CSMD3: variants seen among roughly 807,000 people sequenced by gnomAD.
The protein encoded by CSMD3 is CUB and sushi domain-containing protein 3.
Under a neutral mutation model 435.2 loss-of-function variants are expected in CSMD3, and 177 were observed. The observed-to-expected ratio is 0.41, with a 90% CI of 0.36 to 0.46. The LOEUF is 0.46. CSMD3 is among the 20% of genes least tolerant of loss of function. CSMD3 has a pLI of 0.34. For missense variants in CSMD3, 4,265 were observed against 4,504.6 expected, an observed-to-expected ratio of 0.95 and a Z score of 1.52; for synonymous variants, 1,656 against 1,520.5, an observed-to-expected ratio of 1.09 and a Z score of -2.07.
At chr8:113,079,646 G>A (rs1028833487) in intron 5 of CSMD3, among the ~76,000 whole-genome samples, 2 of 152,046 alleles carry the variant, frequency 1.3e-5, no homozygotes, top group Non-Finnish European at 2.9e-5. Flanking sequence ...AAATCATGTA[G>A]ACATGATACA....
intron 28 of CSMD3, among the ~76,000 whole-genome samples, chr8:112,515,573 G>T (rs182740905): frequency 6.2e-4 from 95 of 152,152 alleles, no homozygotes; most frequent in African/African-American, 2.1e-3. Context: ...TGTTGATTTA[G>T]AATCTTGCAG....
chr8:113,242,859 A>G (rs2093234384), intron 3 of CSMD3, among the ~76,000 whole-genome samples: 1 of 151,968 alleles, frequency 6.6e-6, no homozygotes, highest in African/African-American at 2.4e-5. Flanking sequence ...TTCTCAATTA[A>G]TATTTACTAA....
At chr8:113,403,689 T>C (rs2129658456) in intron 1 of CSMD3, among the ~76,000 whole-genome samples, 1 of 151,532 alleles carries the variant, frequency 6.6e-6, no homozygotes, top group Non-Finnish European at 1.5e-5. Context: ...AATCCATCCA[T>C]AGCAAATGTA....
intron 27 of CSMD3, among the ~76,000 whole-genome samples, chr8:112,537,180 TA>T (rs747860366): frequency 1.2e-3 from 186 of 149,104 alleles, no homozygotes; most frequent in African/African-American, 4.1e-3. Context: ...AATAATAAAA[TA>T]AAAAAAAAGA....
At chr8:113,101,454 C>T (rs1351254581) in intron 4 of CSMD3, among the ~76,000 whole-genome samples, 1 of 151,878 alleles carries the variant, frequency 6.6e-6, no homozygotes, top group African/African-American at 2.4e-5. Context: ...ATACTTTATC[C>T]ATCATTTTAA....
chr8:112,474,431 A>G (rs561413046), intron 31 of CSMD3, among the ~76,000 whole-genome samples: 2 of 152,316 alleles, frequency 1.3e-5, no homozygotes, highest in African/African-American at 4.8e-5. Flanking sequence ...GGAGATGCAA[A>G]GTTGAATGAG....
chr8:112,485,834 A>G (rs1820069754), intron 31 of CSMD3, among the ~76,000 whole-genome samples: 1 of 152,084 alleles, frequency 6.6e-6, no homozygotes, highest in Non-Finnish European at 1.5e-5. Context: ...TTGGAAGTTG[A>G]ACAGAGAATG....
chr8:112,238,252 G>A (rs1201814444), intron 66 of CSMD3, among the ~76,000 whole-genome samples: 1 of 151,358 alleles, frequency 6.6e-6, no homozygotes, highest in Non-Finnish European at 1.5e-5. Context: ...TGAATGAAGT[G>A]GATTTAGGAA....
intron 13 of CSMD3, among the ~76,000 whole-genome samples, chr8:112,704,448 G>A (rs959332896): frequency 1.3e-5 from 2 of 152,094 alleles, no homozygotes; most frequent in Admixed American, 1.3e-4. Flanking sequence ...TCAGCTCTTA[G>A]ATCGCAAATT....
At chr8:112,647,615 CT>C (rs1395854366) in intron 19 of CSMD3, among the ~76,000 whole-genome samples, 3 of 152,032 alleles carry the variant, frequency 2.0e-5, no homozygotes, top group Non-Finnish European at 4.4e-5. Flanking sequence ...CTTCAAATCA[CT>C]TTTTTAATGC....
chr8:113,092,813 A>G (rs1002647390), intron 5 of CSMD3, among the ~76,000 whole-genome samples: 5 of 152,070 alleles, frequency 3.3e-5, no homozygotes, highest in African/African-American at 1.2e-4. Flanking sequence ...GCCTACCTCC[A>G]GAAACCTGCA....
At chr8:112,487,173 C>T (rs934579295) in intron 31 of CSMD3, among the ~76,000 whole-genome samples, 7 of 152,162 alleles carry the variant, frequency 4.6e-5, no homozygotes, top group African/African-American at 1.7e-4. Flanking sequence ...TTGGGCTTTA[C>T]ATACATCAAA....
intron 1 of CSMD3, among the ~76,000 whole-genome samples, chr8:113,363,036 A>C (rs1385106529): frequency 6.6e-6 from 1 of 152,142 alleles, no homozygotes; most frequent in Non-Finnish European, 1.5e-5. Context: ...CTCACAGATA[A>C]TTTCTGTAAT....
At chr8:113,225,537 A>G (rs777051520) in intron 3 of CSMD3, among the ~76,000 whole-genome samples, 6 of 151,492 alleles carry the variant, frequency 4.0e-5, no homozygotes. Context: ...GTTCTTACTT[A>G]TAAGTGGGGG....
chr8:112,426,396 A>C (rs1256761616), intron 32 of CSMD3, among the ~76,000 whole-genome samples: 2 of 152,180 alleles, frequency 1.3e-5, no homozygotes, highest in East Asian at 1.9e-4. Context: ...CTGTTAAGTA[A>C]GAAAAGCTGA....
At chr8:113,420,988 G>T (rs188180917) in intron 1 of CSMD3, among the ~76,000 whole-genome samples, 14 of 151,012 alleles carry the variant, frequency 9.3e-5, no homozygotes, top group Non-Finnish European at 1.8e-4. Flanking sequence ...ATAAATATTA[G>T]CAAATCATTC....
intron 22 of CSMD3, among the ~76,000 whole-genome samples, chr8:112,633,514 C>A (rs996751726): frequency 3.9e-5 from 6 of 151,900 alleles, no homozygotes; most frequent in Non-Finnish European, 8.8e-5. Context: ...AGATATTACA[C>A]GACAGAATTT....
At chr8:112,287,419 A>G (rs1819315247) in intron 57 of CSMD3, among the ~76,000 whole-genome samples, 173 bp from the exon 58 acceptor site, 1 of 152,120 alleles carries the variant, frequency 6.6e-6, no homozygotes. Flanking sequence ...AAAAAAGTGT[A>G]AATGAAAAAG....
intron 13 of CSMD3, among the ~76,000 whole-genome samples, chr8:112,751,882 G>C (rs532025860): frequency 6.6e-6 from 1 of 151,978 alleles, no homozygotes; most frequent in Non-Finnish European, 1.5e-5. Context: ...ATAGGTAAAC[G>C]TGTGCTGTGG....
Sources: allele counts gnomAD v4.1 joint callset (sites outside exome capture counted in the v4.1 genomes callset), GRCh38; gene constraint gnomAD v4.1.1; transcripts MANE v1.5; gene names NCBI Gene and HGNC (gene_info 2026-07-23, HGNC 2026-07-21).